The following VWC2L variants were observed in gnomAD, a reference collection of about 807,000 sequenced individuals.
VWC2L encodes the protein von Willebrand factor C domain-containing protein 2-like.
A neutral mutation model predicts 21.6 loss-of-function variants in VWC2L; 10 were observed. The observed-to-expected ratio is 0.46, with a 90% CI of 0.29 to 0.78. VWC2L has a LOEUF of 0.78. Among genes scored for constraint, VWC2L ranks in the 30% least tolerant of loss-of-function variants. The pLI is 0.10. For synonymous variants in VWC2L, 96 were observed against 94.3 expected (o/e 1.02, Z -0.10); for missense variants, 209 against 277.1 (o/e 0.75, Z 1.74).
At chr2:214,575,179 G>T (rs1274771989) in intron 3 of VWC2L, among the ~76,000 whole-genome samples, 2 of 152,100 alleles carry the variant, frequency 1.3e-5, no homozygotes, top group Non-Finnish European at 2.9e-5. Context: ...ACAAGCTGGG[G>T]ATTCCAGGAA....
chr2:214,451,308 T>TGGG (rs59919240), intron 3 of VWC2L, among the ~76,000 whole-genome samples: 72 of 112,048 alleles, frequency 6.4e-4, no homozygotes, highest in South Asian at 1.6e-3. Context: ...TGGGTCGGTG[T>TGGG]GGGGGGGGGG....
chr2:214,508,364 A>G (rs1689000023), intron 3 of VWC2L, among the ~76,000 whole-genome samples: 1 of 152,196 alleles, frequency 6.6e-6, no homozygotes, highest in East Asian at 1.9e-4. Context: ...GGTAAGATGA[A>G]GATGCTACTG....
chr2:214,573,236 TACACATACACACACACACACATAC>T (rs1690178392), intron 3 of VWC2L, among the ~76,000 whole-genome samples: 2 of 151,830 alleles, frequency 1.3e-5, no homozygotes, highest in African/African-American at 4.8e-5. Flanking sequence ...TCTCTACACA[TACACATACACACACACACACATAC>T]ACACATACGC....
chr2:214,442,922 T>C (rs1338042225), intron 3 of VWC2L, among the ~76,000 whole-genome samples: 1 of 152,188 alleles, frequency 6.6e-6, no homozygotes, highest in Non-Finnish European at 1.5e-5. Context: ...GTTCATATAT[T>C]GTATAACATA....
intron 2 of VWC2L, among the ~76,000 whole-genome samples, chr2:214,423,107 T>C (rs1382747491): frequency 6.6e-6 from 1 of 152,134 alleles, no homozygotes; most frequent in Non-Finnish European, 1.5e-5. Context: ...GGTTGGGATT[T>C]TGAAATAATT....
At chr2:214,499,654 A>T (rs949422955) in intron 3 of VWC2L, among the ~76,000 whole-genome samples, 5 of 152,220 alleles carry the variant, frequency 3.3e-5, no homozygotes, top group East Asian at 1.9e-4. Flanking sequence ...AGTATGATTT[A>T]AAAAATTTTA....
At chr2:214,445,209 A>T (rs1702821257) in intron 3 of VWC2L, among the ~76,000 whole-genome samples, 1 of 151,922 alleles carries the variant, frequency 6.6e-6, no homozygotes. Context: ...AAATGTATGG[A>T]CCTTTAATGC....
At chr2:214,431,278 A>C (rs1702598705) in intron 2 of VWC2L, among the ~76,000 whole-genome samples, 1 of 152,206 alleles carries the variant, frequency 6.6e-6, no homozygotes, top group Non-Finnish European at 1.5e-5. Context: ...TGTTCCTTAA[A>C]GTGATAAAAT....
chr2:214,566,768 T>C lies in VWC2L; in HGVS notation c.521-8904T>C, dbSNP rs370802019. Among the ~76,000 whole-genome samples the C allele has an allele frequency of 2.6e-5, 4 of 152,274 alleles. No individual in the cohort carries two copies. In the East Asian group the frequency reaches 7.7e-4, roughly 29 times the overall value. ...ATACTAGAAGGTTTAAGGCACTTAGTACAATTTTAACTGCAATCAGCTCTA... is the reference window on the plus strand; with the variant it reads ...ATACTAGAAGGTTTAAGGCACTTAGCACAATTTTAACTGCAATCAGCTCTA... On this transcript the variant is annotated intron_variant, in intron 3 of 3. Transcript: ENST00000312504.
chr2:214,517,502 C>G (rs1689163919), intron 3 of VWC2L, among the ~76,000 whole-genome samples: 1 of 152,144 alleles, frequency 6.6e-6, no homozygotes, highest in Non-Finnish European at 1.5e-5. Flanking sequence ...GCATGAGATC[C>G]AGGTGTCAGT....
intron 3 of VWC2L, among the ~76,000 whole-genome samples, chr2:214,543,419 G>A (rs1409441267): frequency 6.6e-6 from 1 of 152,126 alleles, no homozygotes; most frequent in African/African-American, 2.4e-5. Context: ...ATTCTATTTT[G>A]CAATTTGTTT....
At chr2:214,551,354 G>A (rs1689791750) in intron 3 of VWC2L, among the ~76,000 whole-genome samples, 1 of 152,212 alleles carries the variant, frequency 6.6e-6, no homozygotes, top group African/African-American at 2.4e-5. Flanking sequence ...ACCTTGAGCT[G>A]TAATAAATTT....
intron 3 of VWC2L, among the ~76,000 whole-genome samples, chr2:214,513,314 A>C (rs1689086778): frequency 6.6e-6 from 1 of 152,118 alleles, no homozygotes; most frequent in Admixed American, 6.5e-5. Flanking sequence ...TCCCAATCAG[A>C]AACATCCAAC....
At chr2:214,572,058 A>G (rs1690157575) in intron 3 of VWC2L, among the ~76,000 whole-genome samples, 1 of 152,180 alleles carries the variant, frequency 6.6e-6, no homozygotes, top group Admixed American at 6.5e-5. Context: ...CTGGGATTAC[A>G]GGTGTAAGCC....
chr2:214,550,461 A>T (rs1337379345), intron 3 of VWC2L, among the ~76,000 whole-genome samples: 2 of 152,208 alleles, frequency 1.3e-5, no homozygotes, highest in Non-Finnish European at 1.5e-5. Flanking sequence ...AAATATTTTT[A>T]AATGTCTAAA....
chr2:214,446,300 A>T (rs1333286869), intron 3 of VWC2L, among the ~76,000 whole-genome samples: 1 of 152,244 alleles, frequency 6.6e-6, no homozygotes, highest in Non-Finnish European at 1.5e-5. Context: ...TGAAGGTCAG[A>T]ATTATCATAT....
At chr2:214,493,208 G>C (rs745410332) in intron 3 of VWC2L, among the ~76,000 whole-genome samples, 1 of 152,132 alleles carries the variant, frequency 6.6e-6, no homozygotes, top group Non-Finnish European at 1.5e-5. Flanking sequence ...TACATCAGAA[G>C]AATATTTCAA....
intron 3 of VWC2L, among the ~76,000 whole-genome samples, chr2:214,552,585 G>A (rs4673859): frequency 0.73 from 111,149 of 152,062 alleles, 41,163 homozygotes; most frequent in East Asian, 0.83. Flanking sequence ...TCTGACTTGT[G>A]TTATATCATC....
intron 3 of VWC2L, among the ~76,000 whole-genome samples, chr2:214,452,154 T>C (rs901954432): frequency 6.6e-6 from 1 of 152,116 alleles, no homozygotes. Flanking sequence ...TTTTGGCTTT[T>C]TGTGTGTGTG....
Sources: gnomAD v4.1 joint callset for allele counts (sites outside exome capture counted in the v4.1 genomes callset) on GRCh38, gnomAD v4.1.1 for gene constraint, MANE v1.5 for transcripts, NCBI Gene and HGNC (gene_info 2026-07-23, HGNC 2026-07-21) for gene names.